Variants in HSPA12A observed in about 807,000 individuals in gnomAD.
HSPA12A encodes heat shock 70 kDa protein 12A.
HSPA12A carries 28 observed loss-of-function variants against 69.2 expected under a neutral mutation model. That is an observed-to-expected ratio of 0.40 (90% confidence interval 0.30 to 0.55). The LOEUF is 0.55. Ranked by LOEUF, HSPA12A falls within the 20% of genes least tolerant of loss-of-function variation. The pLI, the probability that HSPA12A is intolerant of heterozygous loss-of-function variation, is 0.38. For missense variants in HSPA12A, 686 were observed against 900.7 expected (o/e 0.76, Z 3.05); for synonymous variants, 345 against 370.5 (o/e 0.93, Z 0.79).
At chr10:116,691,580 G>T (rs189565749) in intron 6 of HSPA12A, among the ~76,000 whole-genome samples, 1 of 152,290 alleles carries the variant, frequency 6.6e-6, no homozygotes, top group African/African-American at 2.4e-5. Flanking sequence ...CCCAGGCGTG[G>T]GTGTTCATAC....
At chr10:116,678,348 CAAAAAAAAAAA>C (rs55780024) in intron 10 of HSPA12A, among the ~76,000 whole-genome samples, 3 of 59,394 alleles carry the variant, frequency 5.1e-5, no homozygotes, top group African/African-American at 7.2e-5. Context: ...TGCCAACTTG[CAAAAAAAAAAA>C]AAAAAAAAAA....
intron 2 of HSPA12A, among the ~76,000 whole-genome samples, chr10:116,784,815 A>G (rs549953257): frequency 2.0e-5 from 3 of 152,178 alleles, no homozygotes; most frequent in Non-Finnish European, 4.4e-5. Context: ...AGAAATCAAC[A>G]TAGACAGAGC....
chr10:116,794,474 A>G (rs1844775020), intron 2 of HSPA12A, among the ~76,000 whole-genome samples: 1 of 152,168 alleles, frequency 6.6e-6, no homozygotes, highest in South Asian at 2.1e-4. Context: ...CATGCAGATC[A>G]CATTCTTTGA....
At chr10:116,701,514 C>G (rs114979390) in intron 3 of HSPA12A, among the ~76,000 whole-genome samples, 48 of 152,334 alleles carry the variant, frequency 3.2e-4, no homozygotes, top group African/African-American at 1.0e-3. Flanking sequence ...TAGCTTGAAT[C>G]CTGTCTGAAA....
At chr10:116,741,961 T>C (rs1162197979) in intron 1 of HSPA12A, among the ~76,000 whole-genome samples, 1 of 152,058 alleles carries the variant, frequency 6.6e-6, no homozygotes, top group African/African-American at 2.4e-5. Context: ...AATCTCCGAT[T>C]TCCCCCAGGC....
chr10:116,729,692 G>A (rs1554885468), intron 1 of HSPA12A, among the ~76,000 whole-genome samples: 1 of 151,946 alleles, frequency 6.6e-6, no homozygotes, highest in African/African-American at 2.4e-5. Flanking sequence ...TCCAATATAT[G>A]TATTGAAAAA....
chr10:116,836,002 C>T (rs1285924555), intron 1 of HSPA12A, among the ~76,000 whole-genome samples: 1 of 152,112 alleles, frequency 6.6e-6, no homozygotes, highest in Non-Finnish European at 1.5e-5. Context: ...GAAAACGGCT[C>T]ATCATGATGG....
At chr10:116,688,341 G>A (rs958312072) in intron 6 of HSPA12A, among the ~76,000 whole-genome samples, 30 of 152,308 alleles carry the variant, frequency 2.0e-4, no homozygotes, top group African/African-American at 6.0e-4. Flanking sequence ...TCTGAACCAA[G>A]AGCATGCTTC....
At chr10:116,764,309 C>A (rs1482461945) in intron 2 of HSPA12A, among the ~76,000 whole-genome samples, 1 of 152,102 alleles carries the variant, frequency 6.6e-6, no homozygotes, top group Non-Finnish European at 1.5e-5. Context: ...ATTGTGATTG[C>A]AAAATAGTGG....
intron 2 of HSPA12A, among the ~76,000 whole-genome samples, chr10:116,799,245 C>T (rs1335033709): frequency 1.3e-5 from 2 of 152,210 alleles, no homozygotes; most frequent in Non-Finnish European, 2.9e-5. Flanking sequence ...CAGCAGTTGA[C>T]AGTTTCCTCT....
At chr10:116,850,053 A>ACCGC, upstream of HSPA12A, 1 of 502,980 alleles carries the variant, frequency 2.0e-6, no homozygotes, top group Non-Finnish European at 3.6e-6. Flanking sequence ...GGGCCGGCCC[A>ACCGC]CCGCCCATGC....
At chr10:116,728,256 G>A (rs1851039211) in intron 1 of HSPA12A, among the ~76,000 whole-genome samples, 1 of 152,120 alleles carries the variant, frequency 6.6e-6, no homozygotes, top group Non-Finnish European at 1.5e-5. Flanking sequence ...AGTGTTCTGA[G>A]CATATTTAAG....
chr10:116,697,375 C>G (rs58568639), intron 5 of HSPA12A, among the ~76,000 whole-genome samples: 33,689 of 151,086 alleles, frequency 0.22, 4,453 homozygotes, highest in Middle Eastern at 0.39. Context: ...TTCAGGCCAC[C>G]ATGACCACAG....
In HSPA12A at chr10:116,674,804, C is replaced by T; in HGVS notation, c.2005G>A (p.Gly669Arg). Residue 669 changes from glycine (G) to arginine (R), a missense_variant, in exon 12 of 12, where the codon GGG (glycine) becomes AGG (arginine). Physicochemically the swap from Gly to Arg is moderately radical, Grantham distance 125 (BLOSUM62 -2). Coordinates refer to ENST00000369209, the MANE Select transcript of HSPA12A (RefSeq NM_025015.3). ...GGTTAGTAATTTAAGAAGTCGATCC[C>T]AACTTTGACACTCTTCGAAGTGGCT... The part of the protein sequence containing the change: ...DIATSKSVKV[G>R]IDFLNY 1.2e-6 allele frequency: 2 copies of T among 1,607,428 alleles called. No individual in the cohort carries two copies. Among genetic ancestry groups the T allele is most frequent in the Non-Finnish European group, 1.7e-6 (2 of 1,175,874 alleles).
chr10:116,836,638 C>T (rs1725060303), intron 1 of HSPA12A, among the ~76,000 whole-genome samples: 1 of 152,184 alleles, frequency 6.6e-6, no homozygotes, highest in Admixed American at 6.5e-5. Context: ...ACAGTCTTTG[C>T]ATACATCCCC....
intron 10 of HSPA12A, among the ~76,000 whole-genome samples, chr10:116,679,103 G>A: frequency 6.6e-6 from 1 of 152,088 alleles, no homozygotes; most frequent in East Asian, 1.9e-4. Context: ...CATTCCCATT[G>A]GATTAATTCC....
Position 116,686,889 on chromosome 10 carries a change from C to A in HSPA12A, c.664-2927G>T, listed in dbSNP as rs1849592478. ...ACACCATAAGCTCCGCCCCTCATCC[C>A]TCTTCCCACACTGTAAGCTCTGCCC... is the stretch of plus-strand genomic sequence containing the variant. On this transcript the variant is annotated intron_variant, in intron 6 of 11. Coordinates refer to ENST00000369209, the MANE Select transcript of HSPA12A (RefSeq NM_025015.3). The surrounding 1 kb of genome is among the most constrained non-coding windows in gnomAD (Gnocchi z 4.1). Among the ~76,000 whole-genome samples, 1 of 152,032 alleles carries A rather than the reference C, an allele frequency of 6.6e-6. No homozygotes were observed. Among genetic ancestry groups the A allele is most frequent in the Non-Finnish European group, 1.5e-5 (1 of 68,020 alleles).
intron 2 of HSPA12A, among the ~76,000 whole-genome samples, chr10:116,774,898 C>T (rs1255031406): frequency 6.6e-6 from 1 of 152,180 alleles, no homozygotes; most frequent in Non-Finnish European, 1.5e-5. Flanking sequence ...GGCTATACTG[C>T]CATGGCATAG....
chr10:116,754,135 C>T (rs568186957), intron 2 of HSPA12A, among the ~76,000 whole-genome samples: 13 of 152,318 alleles, frequency 8.5e-5, no homozygotes, highest in African/African-American at 3.1e-4. Context: ...TCAAACTGCT[C>T]CACCGAAGTC....
Sources: allele counts gnomAD v4.1 joint callset (sites outside exome capture counted in the v4.1 genomes callset), GRCh38; gene constraint gnomAD v4.1.1; non-coding constraint Gnocchi (gnomAD v3.1); transcripts MANE v1.5; gene names NCBI Gene and HGNC (gene_info 2026-07-23, HGNC 2026-07-21).